The following TSPAN33 variants were observed in gnomAD, a reference collection of about 807,000 sequenced individuals.
TSPAN33 encodes tetraspanin-33.
In TSPAN33, 27 loss-of-function variants were observed where a neutral mutation model predicts 34.8. That is an observed-to-expected ratio of 0.78 (90% CI 0.57 to 1.07). TSPAN33 has a LOEUF of 1.07. Ranked by LOEUF, TSPAN33 falls within the 50% of genes least tolerant of loss-of-function variation. The pLI is 0.00. For synonymous variants in TSPAN33, 119 were observed against 124.2 expected, an observed-to-expected ratio of 0.96 and a Z score of 0.28; for missense variants, 272 against 324.9, an observed-to-expected ratio of 0.84 and a Z score of 1.25.
intron 2 of TSPAN33, 51 bp from the exon 3 acceptor site, chr7:129,162,343 G>A (rs1327060958): frequency 2.5e-6 from 4 of 1,602,784 alleles, no homozygotes; most frequent in African/African-American, 1.3e-5. Context: ...CCCCATCCAG[G>A]GGTTCCTCAG....
In TSPAN33 at chr7:129,144,825, C is replaced by A. The variant is rs1163284297; in HGVS notation, c.-156C>A. 1 of 147,818 alleles carries A rather than the reference C, an allele frequency of 6.8e-6. No individual in the cohort carries two copies. The highest frequency in any genetic ancestry group is 2.0e-4 in the East Asian group (1 of 5,072). 9.2% of individuals were successfully genotyped at this position (147,818 alleles called of 1,614,324 possible). A position where few individuals can be genotyped will look rare whatever the true frequency, so the allele number is the denominator to read the frequency against. On this transcript the variant is annotated 5_prime_UTR_variant, in exon 1 of 8. Coordinates refer to ENST00000486685, the MANE Select transcript of TSPAN33 (RefSeq NM_178562.5). ...TTCCCCGGCCCGCGCCGCTCCCGGC[C>A]CCCCGGCTCGGGCGCCTCCCGCCGC... is the stretch of plus-strand genomic sequence containing the variant.
At position 129,162,818 on chromosome 7, in the gene TSPAN33, C is replaced by T. The variant is rs150124421; in HGVS notation, c.289-15C>T. 3.1e-5 allele frequency: 50 copies of T among 1,613,360 alleles called. No homozygotes were observed. In the African/African-American group the frequency reaches 5.6e-4, roughly 18 times the overall value. On this transcript the variant is annotated splice_polypyrimidine_tract_variant and intron_variant, in intron 3 of 7. Transcript: ENST00000486685. ...TGAGTGGTCCTAGACGCCTCTTCTTCCTGCTGCTCCACAGTTCTCCCTCTG... is the reference window on the plus strand; with the variant it reads ...TGAGTGGTCCTAGACGCCTCTTCTTTCTGCTGCTCCACAGTTCTCCCTCTG...
intron 1 of TSPAN33, among the ~76,000 whole-genome samples, chr7:129,156,328 T>G (rs1004539563): frequency 6.6e-6 from 1 of 152,188 alleles, no homozygotes; most frequent in African/African-American, 2.4e-5. Flanking sequence ...ATCGCCTGGA[T>G]GAAGTAGTGT....
chr7:129,162,397 C>T lies in TSPAN33; in HGVS notation c.164C>T (p.Ala55Val), dbSNP rs370368421. The T allele has an allele frequency of 6.2e-7, 1 of 1,612,702 alleles. No homozygotes were observed. Among genetic ancestry groups the T allele is most frequent in the African/African-American group, 1.3e-5 (1 of 74,930 alleles). Reference protein sequence around the residue: ...VYARLMKHAEAALACLAVDPA... With the variant: ...VYARLMKHAEVALACLAVDPA... ...TGAGGGCCGGCTCCTTTTCCAGAAGCAGCCCTAGCCTGCCTGGCAGTGGAC... is the reference window on the plus strand; with the variant it reads ...TGAGGGCCGGCTCCTTTTCCAGAAGTAGCCCTAGCCTGCCTGGCAGTGGAC... Residue 55 changes from alanine (A) to valine (V), a missense_variant, in exon 3 of 8, where the codon GCA (alanine) becomes GTA (valine). Coordinates refer to ENST00000486685, the MANE Select transcript of TSPAN33 (RefSeq NM_178562.5).
chr7:129,150,571 C>G (rs1210748587), intron 1 of TSPAN33, among the ~76,000 whole-genome samples: 1 of 152,206 alleles, frequency 6.6e-6, no homozygotes, highest in African/African-American at 2.4e-5. Context: ...ATTCCCACTT[C>G]AGCCGCTCAC....
chr7:129,164,031 G>A (rs1375888150), intron 4 of TSPAN33, among the ~76,000 whole-genome samples: 9 of 152,068 alleles, frequency 5.9e-5, no homozygotes, highest in Non-Finnish European at 1.3e-4. Flanking sequence ...AGTCCTCCTG[G>A]CTTACAGTAA....
intron 1 of TSPAN33, among the ~76,000 whole-genome samples, chr7:129,157,857 C>T (rs1290555469): frequency 6.6e-6 from 1 of 152,208 alleles, no homozygotes; most frequent in Non-Finnish European, 1.5e-5. Context: ...GTATTAGTTT[C>T]CTGTTGCTGC....
chr7:129,159,859 A>G (rs1793023114), intron 1 of TSPAN33, among the ~76,000 whole-genome samples: 1 of 152,198 alleles, frequency 6.6e-6, no homozygotes, highest in African/African-American at 2.4e-5. Flanking sequence ...AGTTAGAGGC[A>G]TGGTCAAATG....
rs1362218695 is a variant in TSPAN33, at chr7:129,145,013, C to G, written c.33C>G (p.Ser11=). 1.4e-6 allele frequency: 1 copy of G among 696,330 alleles called. No individual in the cohort carries two copies. Among genetic ancestry groups the G allele is most frequent in the African/African-American group, 1.8e-5 (1 of 54,078 alleles). The allele number at this position is 696,330 out of a possible 1,614,324, so 43.1% of individuals were successfully genotyped here. Reference sequence around the variant, plus strand: ...GGAGACCCCGGGCGCCGGCCGCCTCCGGGGAGGAGTTCTCCTTCGTCAGCC... The same window carrying G: ...GGAGACCCCGGGCGCCGGCCGCCTCGGGGGAGGAGTTCTCCTTCGTCAGCC... MARRPRAPAA[S]GEEFSFVSPL... is the part of the protein sequence containing the mutation. Residue 11 remains serine, a synonymous_variant, in exon 1 of 8, where the codon TCC becomes TCG. Transcript: ENST00000486685.
At chr7:129,164,328 C>A (rs148098022) in intron 4 of TSPAN33, 146 bp from the exon 5 acceptor site, 1 of 701,314 alleles carries the variant, frequency 1.4e-6, no homozygotes, top group Non-Finnish European at 2.5e-6. Context: ...GGAACTGAAC[C>A]GGCTATCTTC....
chr7:129,161,484 A>G (rs1027065602), intron 1 of TSPAN33, among the ~76,000 whole-genome samples, 195 bp from the exon 2 acceptor site: 1 of 152,196 alleles, frequency 6.6e-6, no homozygotes, highest in African/African-American at 2.4e-5. Flanking sequence ...AATGAAAAAT[A>G]TGATGTGGGT....
rs1377303275 is a variant in TSPAN33 at position 129,148,052 on chromosome 7, A to G, written c.102+2970A>G. ...TGCATTTAAATCAGTTAGGGTGGCT[A>G]CAGAGCAGCTGCCTCTCCTCACCTC... On this transcript the variant is annotated intron_variant, in intron 1 of 7. Transcript: ENST00000486685. The surrounding 1 kb of genome is among the most constrained non-coding windows in gnomAD (Gnocchi z 4.2). Among the ~76,000 whole-genome samples, 7 of 152,264 alleles carry G rather than the reference A, an allele frequency of 4.6e-5. No individual in the cohort carries two copies. Among genetic ancestry groups the G allele is most frequent in the African/African-American group, 1.7e-4 (7 of 41,552 alleles).
At position 129,167,857 on chromosome 7, in the gene TSPAN33, G is replaced by C. The variant is rs1793167549; in HGVS notation, c.835G>C (p.Ala279Pro). The change falls in exon 8 of 8, where the codon GCT (alanine) becomes CCT (proline). Residue 279 changes from alanine (A) to proline (P), a missense_variant. Coordinates refer to ENST00000486685, the MANE Select transcript of TSPAN33 (RefSeq NM_178562.5). This position sits in a 1 kb window ranked among gnomAD's most constrained non-coding sequence, Gnocchi z 4.6. Reference protein sequence around the residue: ...KLQLYNQQHRADPWY With the variant: ...KLQLYNQQHRPDPWY ...ACAGCTCTACAACCAGCAGCACCGG[G>C]CTGACCCATGGTACTGAGAATCCAT... 8.1e-6 allele frequency: 13 copies of C among 1,613,886 alleles called. No homozygotes were observed. The highest frequency in any genetic ancestry group is 1.1e-5 in the Non-Finnish European group (13 of 1,179,998).
chr7:129,164,697 G>A, intron 5 of TSPAN33, 128 bp downstream of exon 5: 2 of 808,384 alleles, frequency 2.5e-6, no homozygotes, highest in Non-Finnish European at 2.1e-6. Flanking sequence ...AAGGGGTTTG[G>A]CAAAAAAGCA....
intron 1 of TSPAN33, among the ~76,000 whole-genome samples, chr7:129,147,523 C>A (rs1162047903): frequency 6.6e-6 from 1 of 152,226 alleles, no homozygotes; most frequent in Non-Finnish European, 1.5e-5. Flanking sequence ...CTCCCCAGAT[C>A]AGGGGGCCAT....
rs1793188305 is a variant in TSPAN33 at position 129,169,026 on chromosome 7, A to G, written c.*1152A>G. On this transcript the variant is annotated 3_prime_UTR_variant, in exon 8 of 8. Transcript: ENST00000486685. ...GCCCTCTGCTCTAAATTAGGTCGAAAGAGTCCCAGTTCCAATCTAGGAACA... is the reference window on the plus strand; with the variant it reads ...GCCCTCTGCTCTAAATTAGGTCGAAGGAGTCCCAGTTCCAATCTAGGAACA... Among the ~76,000 whole-genome samples the G allele has an allele frequency of 6.6e-6, 1 of 152,222 alleles. No homozygotes were observed. Among genetic ancestry groups the G allele is most frequent in the African/African-American group, 2.4e-5 (1 of 41,456 alleles).
At position 129,167,698 on chromosome 7, in the gene TSPAN33, A is replaced by T; in HGVS notation, c.751-75A>T. The T allele has an allele frequency of 6.3e-7, 1 of 1,579,350 alleles. No homozygotes were observed. Among genetic ancestry groups the T allele is most frequent in the South Asian group, 1.1e-5 (1 of 89,610 alleles). On this transcript the variant is annotated intron_variant, in intron 7 of 7. Transcript: ENST00000486685. This position sits in a 1 kb window ranked among gnomAD's most constrained non-coding sequence, Gnocchi z 4.6. ...TAGGGAAAGGGATAGTGCTGGCCGC[A>T]CTGGGAAGATCGAGCCAGGGAAAAC... is the stretch of plus-strand genomic sequence containing the variant.
chr7:129,166,735 T>TG (rs1232750491), intron 5 of TSPAN33, 43 bp from the exon 6 acceptor site: 1 of 1,608,848 alleles, frequency 6.2e-7, no homozygotes, highest in African/African-American at 1.3e-5. Context: ...CACCTCAGTG[T>TG]GAGGGGTGGG....
rs918839799 is a variant in TSPAN33, at chr7:129,165,942, T to A, written c.460-836T>A. On this transcript the variant is annotated intron_variant, in intron 5 of 7. Transcript: ENST00000486685. The surrounding 1 kb of genome is among the most constrained non-coding windows in gnomAD (Gnocchi z 4.5). The stretch of plus-strand genomic sequence containing the variant: ...AATAAGTGAAAAATAAAAGTTAACT[T>A]TTTTTTTTCCCTGAGACGGAGTCTT... 2.5e-3 allele frequency among the ~76,000 whole-genome samples: 19 copies of A among 7,692 alleles called. No homozygotes were observed. The highest frequency in any genetic ancestry group is 6.3e-3 in the African/African-American group (17 of 2,704). The allele number at this position is 7,692 out of a possible 152,430, so 5.0% of individuals were successfully genotyped here.
Sources: allele counts gnomAD v4.1 joint callset (sites outside exome capture counted in the v4.1 genomes callset), GRCh38; gene constraint gnomAD v4.1.1; non-coding constraint Gnocchi (gnomAD v3.1); transcripts MANE v1.5; gene names NCBI Gene and HGNC (gene_info 2026-07-23, HGNC 2026-07-21).